The following MARF1 variants were observed in gnomAD, a reference collection of about 807,000 sequenced individuals.
MARF1 encodes meiosis regulator and mRNA stability factor 1, also known as limkain-b1.
MARF1 carries 24 observed loss-of-function variants against 168.2 expected under a neutral mutation model. That is an observed-to-expected ratio of 0.14 (90% CI 0.10 to 0.20). The LOEUF is 0.20. Ranked by LOEUF, MARF1 falls within the 10% of genes least tolerant of loss-of-function variation. The pLI, the probability that MARF1 is intolerant of heterozygous loss-of-function variation, is 1.00. For synonymous variants in MARF1, 868 were observed against 822.4 expected (o/e 1.06, Z -0.95); for missense variants, 1,744 against 2,143.6 (o/e 0.81, Z 3.68).
In MARF1 at chr16:15,604,231, G is replaced by T. The variant is rs753216531; in HGVS notation, c.4350C>A (p.Asn1450Lys). 1.9e-6 allele frequency: 3 copies of T among 1,614,176 alleles called. No homozygotes were observed. The highest frequency in any genetic ancestry group is 2.5e-6 in the Non-Finnish European group (3 of 1,180,028). The stretch of plus-strand genomic sequence containing the variant: ...AGGTCATGAATCCATATTCACAGGG[G>T]TTAAGGGGAGTGTTGTGGGTACTTT... ...HYESTHNTPL[N>K]PCEYGFMTLT... is the part of the protein sequence containing the mutation. Residue 1450 changes from asparagine to lysine, a missense_variant, in exon 22 of 27, where the codon AAC (asparagine) becomes AAA (lysine). Coordinates refer to ENST00000396368, the MANE Select transcript of MARF1 (RefSeq NM_014647.4).
rs2034720654 is a variant in MARF1, at chr16:15,624,811, C to T, written c.2228G>A (p.Arg743Lys). 1.9e-6 allele frequency: 3 copies of T among 1,614,208 alleles called. No homozygotes were observed. Among genetic ancestry groups the T allele is most frequent in the Non-Finnish European group, 2.5e-6 (3 of 1,180,034 alleles). ...PSAFSKLVAS[R>K]QVSPLLASQS... ...AGATGCGAGCAGAGGACTGACTTGC[C>T]TGGATGCAACTAACTTGCTAAAAGC... is the stretch of plus-strand genomic sequence containing the variant. The change falls in exon 10 of 27, where the codon AGG becomes AAG. Residue 743 changes from arginine to lysine, a missense_variant. Coordinates refer to ENST00000396368, the MANE Select transcript of MARF1 (RefSeq NM_014647.4).
rs184365081 is a variant in MARF1, at chr16:15,602,554, T to C, written c.4414-351A>G. On this transcript the variant is annotated intron_variant, in intron 22 of 26. Coordinates refer to ENST00000396368, the MANE Select transcript of MARF1 (RefSeq NM_014647.4). ...CGATAAAGAAGACGAAGACGACGAA[T>C]TGGACAAAGACAAAGATGAAGAAGA... 1.9e-3 allele frequency: 832 copies of C among 447,318 alleles called. 2 individuals carry two copies. Among genetic ancestry groups the C allele is most frequent in the Non-Finnish European group, 2.6e-3 (611 of 233,286 alleles). The allele number at this position is 447,318 out of a possible 1,614,324, so 27.7% of individuals were successfully genotyped here.
chr16:15,616,204 GCATTTTCTGGGTAGTTTT>G (rs1459843038), intron 15 of MARF1, among the ~76,000 whole-genome samples, 199 bp from the exon 16 acceptor site: 5 of 152,158 alleles, frequency 3.3e-5, no homozygotes, highest in Non-Finnish European at 7.4e-5. Flanking sequence ...CATTCTGATG[GCATTTTCTGGGTAGTTTT>G]CCAGGAGGGG....
chr16:15,599,616 G>A (rs1249989176), intron 25 of MARF1, among the ~76,000 whole-genome samples: 3 of 152,226 alleles, frequency 2.0e-5, no homozygotes, highest in Admixed American at 6.5e-5. Flanking sequence ...CGCATGTTAT[G>A]AAGACAAAAT....
At chr16:15,639,748 A>C (rs1022149848) in intron 1 of MARF1, among the ~76,000 whole-genome samples, 1 of 152,210 alleles carries the variant, frequency 6.6e-6, no homozygotes, top group Non-Finnish European at 1.5e-5. Context: ...AAATAAAGAA[A>C]GAAAAAAACA....
At chr16:15,611,531 T>G in intron 18 of MARF1, 61 bp downstream of exon 18, 2 of 1,469,104 alleles carry the variant, frequency 1.4e-6, no homozygotes, top group Non-Finnish European at 1.9e-6. Context: ...ATTTAGAGTT[T>G]GGCAGAAGAT....
chr16:15,607,114 G>GC (rs200708533), intron 21 of MARF1, among the ~76,000 whole-genome samples: 4,928 of 152,230 alleles, frequency 0.032, 177 homozygotes, highest in Admixed American at 0.11. Flanking sequence ...CTCTGCCTTG[G>GC]CTCAGGGATG....
At chr16:15,613,681 AAAT>A (rs537663819) in intron 16 of MARF1, among the ~76,000 whole-genome samples, 1 of 146,022 alleles carries the variant, frequency 6.8e-6, no homozygotes, top group African/African-American at 2.5e-5. Flanking sequence ...ATAAATAAAT[AAAT>A]AAATAAAATA....
chr16:15,623,336 A>G (rs2034604514), intron 10 of MARF1, among the ~76,000 whole-genome samples: 2 of 125,886 alleles, frequency 1.6e-5, no homozygotes. Context: ...CTGGAGTGCA[A>G]TGGCACGATC....
intron 1 of MARF1, among the ~76,000 whole-genome samples, chr16:15,640,507 C>A (rs773201059): frequency 2.6e-5 from 4 of 152,162 alleles, no homozygotes; most frequent in Non-Finnish European, 4.4e-5. Flanking sequence ...AGTTCCCAAC[C>A]AGCCTGGGCA....
Position 15,608,302 on chromosome 16 carries a change from G to T in MARF1, c.4171C>A (p.His1391Asn), listed in dbSNP as rs2033202422. The T allele has an allele frequency of 1.4e-6, 2 of 1,464,836 alleles. No individual in the cohort carries two copies. The highest frequency in any genetic ancestry group is 2.3e-5 in the East Asian group (1 of 44,040). The allele number at this position is 1,464,836 out of a possible 1,614,324, so 90.7% of individuals were successfully genotyped here. A position where few individuals can be genotyped will look rare whatever the true frequency, so the allele number is the denominator to read the frequency against. The change falls in exon 21 of 27, where the codon CAT (histidine) becomes AAT (asparagine). Residue 1391 changes from histidine (H) to asparagine (N), a missense_variant. By Grantham distance (68) the His-to-Asn change is moderately conservative (BLOSUM62 1). Around this residue, in one of 7 missense-constraint regions of MARF1, gnomAD observed 543 missense variants for 742.1 expected, o/e 0.73. Transcript: ENST00000396368. ...SISALTQKLC[H>N]VVKVADIESG... is the part of the protein sequence containing the mutation. ...AAAAAAACATTTACCTTCACGACAT[G>T]GCAGAGTTTCTGAGTTAAAGCCGAA...
chr16:15,617,664 A>ATAAT (rs756685912), intron 13 of MARF1, 129 bp from the exon 14 acceptor site: 35 of 669,252 alleles, frequency 5.2e-5, no homozygotes, highest in Admixed American at 8.0e-5. Flanking sequence ...TAAAACTGGA[A>ATAAT]TAATTCTACT....
chr16:15,599,082 C>T (rs774486779), intron 25 of MARF1, 58 bp from the exon 26 acceptor site: 61 of 1,505,530 alleles, frequency 4.1e-5, no homozygotes, highest in Non-Finnish European at 5.5e-5. Flanking sequence ...CCCCAGCACA[C>T]ACCCTGGGCT....
chr16:15,629,066 G>A (rs1273645234), intron 7 of MARF1, among the ~76,000 whole-genome samples: 1 of 144,620 alleles, frequency 6.9e-6, no homozygotes, highest in Non-Finnish European at 1.5e-5. Context: ...ACAGAGTCTC[G>A]CTCTGTCGAC....
In MARF1 at chr16:15,617,140, T is replaced by A. The variant is rs966977131; in HGVS notation, c.2989A>T (p.Ile997Phe). Reference sequence around the variant, plus strand: ...TTCAAAGAAAGAATCACAAAAGGAATCTTGTAAGAGTCTGGATCAAATTCA... The same window carrying A: ...TTCAAAGAAAGAATCACAAAAGGAAACTTGTAAGAGTCTGGATCAAATTCA... ...EHEFDPDSYK[I>F]PFVILSLKTF... The change falls in exon 15 of 27, where the codon ATT becomes TTT. Residue 997 changes from isoleucine to phenylalanine, a missense_variant. By Grantham distance (21) the Ile-to-Phe change is conservative (BLOSUM62 0). Coordinates refer to ENST00000396368, the MANE Select transcript of MARF1 (RefSeq NM_014647.4). The A allele has an allele frequency of 6.2e-7, 1 of 1,614,108 alleles. No homozygotes were observed. Among genetic ancestry groups the A allele is most frequent in the Non-Finnish European group, 8.5e-7 (1 of 1,180,018 alleles).
chr16:15,601,399 G>C (rs1014902794), intron 23 of MARF1: 12 of 245,096 alleles, frequency 4.9e-5, no homozygotes, highest in African/African-American at 2.7e-4. Flanking sequence ...GCACCACTGG[G>C]GTGCTTTTCA....
intron 1 of MARF1, among the ~76,000 whole-genome samples, chr16:15,640,687 C>A (rs758924981): frequency 1.3e-5 from 2 of 152,188 alleles, no homozygotes; most frequent in Non-Finnish European, 2.9e-5. Flanking sequence ...CGGAGTGAGA[C>A]CCTGTCTCAA....
chr16:15,607,563 A>G (rs930604094), intron 21 of MARF1, among the ~76,000 whole-genome samples: 1 of 152,204 alleles, frequency 6.6e-6, no homozygotes, highest in African/African-American at 2.4e-5. Flanking sequence ...AAAACCCCAC[A>G]GTGGGAAGGA....
chr16:15,596,889 C>A lies in MARF1; in HGVS notation c.5033G>T (p.Gly1678Val). 1 of 1,613,046 alleles carries A rather than the reference C, an allele frequency of 6.2e-7. No individual in the cohort carries two copies. Among genetic ancestry groups the A allele is most frequent in the African/African-American group, 1.3e-5 (1 of 75,020 alleles). ...GTCAGAGGTCAGAGTTTTGCTCTTT[C>A]CTGGTATTGGAATCTCCATTTTTTC... Reference protein sequence around the residue: ...QEEKMEIPIPGKSKTLTSDSS... With the variant: ...QEEKMEIPIPVKSKTLTSDSS... Residue 1678 changes from glycine to valine, a missense_variant, in exon 27 of 27, where the codon GGA (glycine) becomes GTA (valine). By Grantham distance (109) the Gly-to-Val change is moderately radical. Around this residue, in one of 7 missense-constraint regions of MARF1, gnomAD observed 313 missense variants for 337.4 expected, o/e 0.93. Coordinates refer to ENST00000396368, the MANE Select transcript of MARF1 (RefSeq NM_014647.4).
Sources: gnomAD v4.1 joint callset for allele counts (sites outside exome capture counted in the v4.1 genomes callset) on GRCh38, gnomAD v4.1.1 for gene constraint, gnomAD v4.1.1 regional missense constraint, MANE v1.5 for transcripts, NCBI Gene and HGNC (gene_info 2026-07-23, HGNC 2026-07-21) for gene names.